TNFSF4: variants seen among roughly 807,000 people sequenced by gnomAD.
The protein encoded by TNFSF4 is TNF superfamily member 4, also known as tumor necrosis factor ligand superfamily member 4.
A neutral mutation model predicts 7.3 loss-of-function variants in TNFSF4; 4 were observed. The observed-to-expected ratio is 0.55, with a 90% confidence interval of 0.27 to 1.25. TNFSF4 has a LOEUF of 1.25. Among genes scored for constraint, TNFSF4 ranks in the 50% most tolerant of loss-of-function variants. The pLI is 0.12. For missense variants in TNFSF4, 181 were observed against 208.8 expected (o/e 0.87, Z 0.82); for synonymous variants, 76 against 83.7 (o/e 0.91, Z 0.50).
At chr1:173,365,290 C>A in the TNFSF4 span, among the ~76,000 whole-genome samples, 1 of 152,100 alleles carries the variant, frequency 6.6e-6, no homozygotes, top group East Asian at 1.9e-4. Context: ...GCTCTTTTAA[C>A]AAGAATTTTG....
the TNFSF4 span, among the ~76,000 whole-genome samples, chr1:173,396,329 G>A: frequency 6.6e-6 from 1 of 152,150 alleles, no homozygotes; most frequent in Admixed American, 6.6e-5. Context: ...GGGCAACAAA[G>A]TGAGACCCCA....
the TNFSF4 span, among the ~76,000 whole-genome samples, chr1:173,426,121 G>A: frequency 3.9e-5 from 6 of 152,158 alleles, no homozygotes; most frequent in Admixed American, 2.0e-4. Flanking sequence ...AGTTCGTCTG[G>A]GCTCTGGGTG....
At chr1:173,375,722 C>T in the TNFSF4 span, among the ~76,000 whole-genome samples, 1 of 152,042 alleles carries the variant, frequency 6.6e-6, no homozygotes, top group Non-Finnish European at 1.5e-5. Context: ...TCTGATAGGA[C>T]AAAAATAGAA....
At chr1:173,383,760 A>C in the TNFSF4 span, among the ~76,000 whole-genome samples, 1 of 152,188 alleles carries the variant, frequency 6.6e-6, no homozygotes, top group Non-Finnish European at 1.5e-5. Flanking sequence ...AGGGACTGGG[A>C]CCACAGGGGC....
At chr1:173,202,274 A>G (rs1352392483) in intron 1 of TNFSF4, among the ~76,000 whole-genome samples, 2 of 152,042 alleles carry the variant, frequency 1.3e-5, no homozygotes, top group Non-Finnish European at 2.9e-5. Flanking sequence ...GTATATTTGG[A>G]TCTATATGTG....
chr1:173,271,379 C>T, the TNFSF4 span, among the ~76,000 whole-genome samples: 87 of 152,144 alleles, frequency 5.7e-4, 1 homozygote, highest in African/African-American at 2.1e-3. Context: ...AGGCAGTTTT[C>T]CCAGTACCAT....
the TNFSF4 span, among the ~76,000 whole-genome samples, chr1:173,374,679 C>T: frequency 5.3e-5 from 8 of 152,168 alleles, no homozygotes; most frequent in African/African-American, 1.9e-4. Flanking sequence ...CCTCTCTTTG[C>T]CCCTTTACTG....
At chr1:173,373,434 C>T in the TNFSF4 span, among the ~76,000 whole-genome samples, 6 of 152,144 alleles carry the variant, frequency 3.9e-5, no homozygotes, top group South Asian at 2.1e-4. Context: ...GGGACTTTCA[C>T]GGGGGCATAG....
chr1:173,207,625 A>G (rs1650248698), upstream of TNFSF4, among the ~76,000 whole-genome samples: 3 of 152,180 alleles, frequency 2.0e-5, no homozygotes, highest in Admixed American at 2.0e-4. Context: ...CCCTTCCCCA[A>G]GGTGTCTTAA....
chr1:173,294,811 G>A, the TNFSF4 span, among the ~76,000 whole-genome samples: 1 of 151,884 alleles, frequency 6.6e-6, no homozygotes, highest in Admixed American at 6.6e-5. Context: ...GGGCAGACTA[G>A]GAGAAAAGCC....
chr1:173,435,512 C>G, the TNFSF4 span, among the ~76,000 whole-genome samples: 1 of 152,204 alleles, frequency 6.6e-6, no homozygotes, highest in Non-Finnish European at 1.5e-5. Flanking sequence ...GCCGCATGAG[C>G]ACACATCTAC....
intron 1 of TNFSF4, among the ~76,000 whole-genome samples, chr1:173,188,970 C>G (rs550826256): frequency 2.0e-5 from 3 of 152,178 alleles, no homozygotes; most frequent in Non-Finnish European, 4.4e-5. Flanking sequence ...AAGCAATCCT[C>G]TCACCCAGCC....
chr1:173,442,405 C>A, the TNFSF4 span, among the ~76,000 whole-genome samples: 50 of 152,108 alleles, frequency 3.3e-4, no homozygotes, highest in Non-Finnish European at 1.2e-4. Context: ...AAATGCAACA[C>A]CTCTCCCACA....
chr1:173,430,768 T>A, the TNFSF4 span, among the ~76,000 whole-genome samples: 1 of 152,224 alleles, frequency 6.6e-6, no homozygotes, highest in African/African-American at 2.4e-5. Flanking sequence ...GTGCTATATA[T>A]AGCAGATGTA....
chr1:173,437,106 A>G, the TNFSF4 span, among the ~76,000 whole-genome samples: 2 of 152,170 alleles, frequency 1.3e-5, no homozygotes, highest in African/African-American at 2.4e-5. Flanking sequence ...ACACATCGTA[A>G]CCAGGAGGTA....
the TNFSF4 span, among the ~76,000 whole-genome samples, chr1:173,437,753 A>G: frequency 3.9e-5 from 6 of 152,184 alleles, no homozygotes; most frequent in African/African-American, 1.4e-4. Flanking sequence ...ATCTATATAC[A>G]GTCCATCACT....
At chr1:173,422,218 C>A in the TNFSF4 span, among the ~76,000 whole-genome samples, 3 of 143,834 alleles carry the variant, frequency 2.1e-5, no homozygotes, top group East Asian at 6.0e-4. Flanking sequence ...GAGACATTAC[C>A]AATGGCCATT....
intron 1 of TNFSF4, among the ~76,000 whole-genome samples, chr1:173,201,089 T>C (rs1489328042): frequency 5.3e-5 from 8 of 152,222 alleles, no homozygotes; most frequent in South Asian, 2.1e-4. Flanking sequence ...CCTTATTTGG[T>C]AGCCAAGTCA....
the TNFSF4 span, among the ~76,000 whole-genome samples, chr1:173,215,024 TAC>T: frequency 6.6e-6 from 1 of 152,260 alleles, no homozygotes; most frequent in South Asian, 2.1e-4. Flanking sequence ...GTTGAAGCCC[TAC>T]CTCCAATGTG....
Sources: gnomAD v4.1 joint callset for allele counts (sites outside exome capture counted in the v4.1 genomes callset) on GRCh38, gnomAD v4.1.1 for gene constraint, MANE v1.5 for transcripts, NCBI Gene and HGNC (gene_info 2026-07-23, HGNC 2026-07-21) for gene names.